Variants in MACROD2 observed in about 807,000 individuals in gnomAD.
MACROD2 encodes the protein mono-ADP ribosylhydrolase 2, also known as ADP-ribose glycohydrolase MACROD2.
In MACROD2, 36 loss-of-function variants were observed where a neutral mutation model predicts 70.4. The ratio of observed to expected loss-of-function variants is 0.51; its 90% confidence interval spans 0.39 to 0.68. The LOEUF is 0.68. Ranked by LOEUF, MACROD2 falls within the 30% of genes least tolerant of loss-of-function variation. MACROD2 has a pLI of 0.00. For synonymous variants in MACROD2, 172 were observed against 178.8 expected (o/e 0.96, Z 0.30); for missense variants, 496 against 538.4 (o/e 0.92, Z 0.78).
At chr20:14,168,520 T>C (rs548010462) in intron 3 of MACROD2, among the ~76,000 whole-genome samples, 5 of 152,190 alleles carry the variant, frequency 3.3e-5, no homozygotes, top group Admixed American at 3.3e-4. Flanking sequence ...CACCTTGCAT[T>C]ATTGTAGTAC....
chr20:14,483,230 G>A (rs1033839818), intron 3 of MACROD2, among the ~76,000 whole-genome samples: 26 of 152,024 alleles, frequency 1.7e-4, no homozygotes, highest in Admixed American at 1.2e-3. Flanking sequence ...TACATGAAGC[G>A]TCTTAATGGT....
At chr20:15,418,390 C>T (rs536599700) in intron 6 of MACROD2, among the ~76,000 whole-genome samples, 3 of 152,218 alleles carry the variant, frequency 2.0e-5, no homozygotes, top group South Asian at 2.1e-4. Flanking sequence ...CAGTGAGTCC[C>T]GGAAGAGGAT....
Position 15,188,778 on chromosome 20 carries a change from A to G in MACROD2, c.419-41162A>G, listed in dbSNP as rs201947669. Among the ~76,000 whole-genome samples, 14 of 152,310 alleles carry G rather than the reference A, an allele frequency of 9.2e-5. No homozygotes were observed. In the East Asian group the frequency reaches 2.1e-3, roughly 23 times the overall value. On this transcript the variant is annotated intron_variant, in intron 5 of 17. Transcript: ENST00000684519. The stretch of plus-strand genomic sequence containing the variant: ...TATGAGTTTTTTGACCTTGAAATAC[A>G]TGTAGCCAATCTGCTTGGCAATTTG...
intron 8 of MACROD2, among the ~76,000 whole-genome samples, chr20:15,575,737 AG>A (rs1181422053): frequency 6.6e-6 from 1 of 152,314 alleles, no homozygotes; most frequent in East Asian, 1.9e-4. Context: ...ACATAAGAAT[AG>A]GGCTGCATAA....
rs562355246 is a variant in MACROD2, at chr20:15,233,642, A to G, written c.540+3581A>G. On this transcript the variant is annotated intron_variant, in intron 6 of 17. Transcript: ENST00000684519. Reference sequence around the variant, plus strand: ...CATTGTTTGTAACAGCTGTTTTTTCATACCTATCCACATTTGCTTTAGGTG... The same window carrying G: ...CATTGTTTGTAACAGCTGTTTTTTCGTACCTATCCACATTTGCTTTAGGTG... 1.1e-4 allele frequency among the ~76,000 whole-genome samples: 17 copies of G among 152,126 alleles called. No individual in the cohort carries two copies. The East Asian group carries it at 3.1e-3, about 28-fold the overall frequency.
At chr20:15,619,564 G>A in intron 8 of MACROD2, 1 of 430,878 alleles carries the variant, frequency 2.3e-6, no homozygotes. Flanking sequence ...GTGGTCACCA[G>A]TCATCAGGTT....
chr20:15,750,135 C>T (rs1441682316), intron 8 of MACROD2, among the ~76,000 whole-genome samples: 1 of 151,970 alleles, frequency 6.6e-6, no homozygotes, highest in Non-Finnish European at 1.5e-5. Context: ...ATGTAAGGAA[C>T]TTAAACAATT....
At chr20:14,306,563 C>G (rs891659546) in intron 3 of MACROD2, among the ~76,000 whole-genome samples, 7 of 152,028 alleles carry the variant, frequency 4.6e-5, no homozygotes, top group African/African-American at 1.7e-4. Context: ...TTATACCTCA[C>G]AGTAACACAA....
intron 5 of MACROD2, among the ~76,000 whole-genome samples, chr20:14,738,489 C>T (rs1479897443): frequency 6.6e-6 from 1 of 152,080 alleles, no homozygotes; most frequent in Non-Finnish European, 1.5e-5. Context: ...GCCTCTTCCC[C>T]TCCGTTATTT....
intron 4 of MACROD2, among the ~76,000 whole-genome samples, chr20:14,660,439 A>G (rs1986169280): frequency 6.6e-6 from 1 of 152,148 alleles, no homozygotes; most frequent in Non-Finnish European, 1.5e-5. Context: ...ACTTTAACTT[A>G]TTTGCTAACT....
At chr20:14,670,364 C>A (rs1352457089) in intron 4 of MACROD2, among the ~76,000 whole-genome samples, 2 of 152,102 alleles carry the variant, frequency 1.3e-5, no homozygotes, top group Non-Finnish European at 2.9e-5. Context: ...AGAATCTAAG[C>A]AATCTTAAGG....
chr20:16,036,799 A>G (rs2067242465), intron 15 of MACROD2, among the ~76,000 whole-genome samples: 1 of 152,028 alleles, frequency 6.6e-6, no homozygotes, highest in Admixed American at 6.6e-5. Flanking sequence ...AACAACTCAC[A>G]CACACATGCA....
chr20:14,990,496 C>G (rs1297912714), intron 5 of MACROD2, among the ~76,000 whole-genome samples: 6 of 149,544 alleles, frequency 4.0e-5, no homozygotes, highest in Non-Finnish European at 8.9e-5. Flanking sequence ...AGCTCTGTTT[C>G]CTTTTTTTTT....
intron 3 of MACROD2, among the ~76,000 whole-genome samples, chr20:14,398,702 C>T (rs373113052): frequency 1.2e-4 from 18 of 152,150 alleles, no homozygotes; most frequent in African/African-American, 3.4e-4. Flanking sequence ...TATTTTCTTC[C>T]GTCCTACAGG....
At chr20:16,046,516 C>CTA (rs762568960) in intron 17 of MACROD2, among the ~76,000 whole-genome samples, 11 of 151,928 alleles carry the variant, frequency 7.2e-5, no homozygotes, top group Middle Eastern at 6.8e-3. Context: ...GGCTTCTTGT[C>CTA]TAGACTTTTT....
chr20:14,325,391 A>C (rs2082717095), intron 3 of MACROD2: 1 of 615,358 alleles, frequency 1.6e-6, no homozygotes, highest in South Asian at 3.5e-5. Flanking sequence ...TGAAATTTGA[A>C]ACTTTTAATA....
In MACROD2 at chr20:14,950,540, C is replaced by T. The variant is rs10485516; in HGVS notation, c.418+265581C>T. On this transcript the variant is annotated intron_variant, in intron 5 of 17. Coordinates refer to ENST00000684519, the MANE Select transcript of MACROD2 (RefSeq NM_001351661.2). Reference sequence around the variant, plus strand: ...CAAGGACCTGGTCTCACCAATGAACCGGCAAGAACTAGAGACATAGGCAAG... The same window carrying T: ...CAAGGACCTGGTCTCACCAATGAACTGGCAAGAACTAGAGACATAGGCAAG... Among the ~76,000 whole-genome samples the T allele has an allele frequency of 7.9e-3, 1,202 of 152,186 alleles. 16 individuals carry two copies. Among genetic ancestry groups the T allele is most frequent in the African/African-American group, 0.028 (1,149 of 41,516 alleles).
chr20:14,283,145 G>T (rs1239196919), intron 3 of MACROD2, among the ~76,000 whole-genome samples: 3 of 152,144 alleles, frequency 2.0e-5, no homozygotes, highest in African/African-American at 4.8e-5. Context: ...GCATGTGGGA[G>T]CTTGGGATAT....
At chr20:15,696,089 A>T (rs961391601) in intron 8 of MACROD2, among the ~76,000 whole-genome samples, 9 of 152,178 alleles carry the variant, frequency 5.9e-5, no homozygotes, top group African/African-American at 2.2e-4. Flanking sequence ...GTTGAAGAGA[A>T]GTGGTGAGAG....
Sources: allele counts gnomAD v4.1 joint callset (sites outside exome capture counted in the v4.1 genomes callset), GRCh38; gene constraint gnomAD v4.1.1; transcripts MANE v1.5; gene names NCBI Gene and HGNC (gene_info 2026-07-23, HGNC 2026-07-21).